The following SEC23A variants were observed in gnomAD, a reference collection of about 807,000 sequenced individuals.
SEC23A encodes the protein protein transport protein Sec23A.
A neutral mutation model predicts 103.7 loss-of-function variants in SEC23A; 56 were observed. The observed-to-expected ratio is 0.54, with a 90% CI of 0.44 to 0.67. SEC23A has a LOEUF of 0.67. Among genes scored for constraint, SEC23A ranks in the 30% least tolerant of loss-of-function variants. The pLI, the probability that SEC23A is intolerant of heterozygous loss-of-function variation, is 0.00. For synonymous variants in SEC23A, 281 were observed against 293.0 expected (o/e 0.96, Z 0.42); for missense variants, 784 against 936.4 (o/e 0.84, Z 2.12).
At chr14:39,094,225 C>T (rs1029425836) in intron 2 of SEC23A, among the ~76,000 whole-genome samples, 1 of 96,544 alleles carries the variant, frequency 1.0e-5, no homozygotes, top group Admixed American at 1.1e-4. Flanking sequence ...TATACACATA[C>T]ATATATATAT....
chr14:39,085,590 A>G (rs1887404720), intron 7 of SEC23A, among the ~76,000 whole-genome samples, 172 bp downstream of exon 7: 1 of 151,858 alleles, frequency 6.6e-6, no homozygotes, highest in Non-Finnish European at 1.5e-5. Context: ...CTTGGTTGGT[A>G]TGTGGGGGAA....
In SEC23A at chr14:39,033,188, A is replaced by C; in HGVS notation, c.*51T>G. On this transcript the variant is annotated 3_prime_UTR_variant, in exon 20 of 20. Coordinates refer to ENST00000307712, the MANE Select transcript of SEC23A (RefSeq NM_006364.4). ...AGATAAATGGAAAAAGGAAAAAATG[A>C]AATTTGAATATTATTTCATCTTCTT... is the stretch of plus-strand genomic sequence containing the variant. 1.5e-6 allele frequency: 2 copies of C among 1,365,580 alleles called. No homozygotes were observed. Among genetic ancestry groups the C allele is most frequent in the Non-Finnish European group, 2.1e-6 (2 of 953,944 alleles). 84.6% of individuals were successfully genotyped at this position (1,365,580 alleles called of 1,614,324 possible). A position where few individuals can be genotyped will look rare whatever the true frequency, so the allele number is the denominator to read the frequency against.
intron 14 of SEC23A, among the ~76,000 whole-genome samples, chr14:39,051,116 G>A (rs1331198055): frequency 6.6e-6 from 1 of 152,166 alleles, no homozygotes; most frequent in Non-Finnish European, 1.5e-5. Flanking sequence ...AAAAACCTAG[G>A]AAATTATACT....
At chr14:39,048,570 A>C (rs1326628620) in intron 15 of SEC23A, 82 bp downstream of exon 15, 9 of 877,538 alleles carry the variant, frequency 1.0e-5, no homozygotes, top group Non-Finnish European at 1.7e-5. Flanking sequence ...ACTATACTTC[A>C]GCATGGATGA....
chr14:39,085,689 T>TACACACACACACACACACACAC lies in SEC23A; in HGVS notation c.828+51_828+72dup, dbSNP rs59136053. 8 of 1,114,030 alleles carry TACACACACACACACACACACAC rather than the reference T, an allele frequency of 7.2e-6. No homozygotes were observed. The African/African-American group carries it at 1.4e-4, about 20-fold the overall frequency. The allele number at this position is 1,114,030 out of a possible 1,614,324, so 69.0% of individuals were successfully genotyped here. Reference sequence around the variant, plus strand: ...TTCTTCTTATCCTTATAATTATATATACACACACACACACACACACACACA... The same window carrying TACACACACACACACACACACAC: ...TTCTTCTTATCCTTATAATTATATATACACACACACACACACACACACACACACACACACACACACACACACA... On this transcript the variant is annotated intron_variant, in intron 7 of 19. Coordinates refer to ENST00000307712, the MANE Select transcript of SEC23A (RefSeq NM_006364.4).
At chr14:39,092,965 G>A (rs187976611) in intron 3 of SEC23A, 10 of 487,460 alleles carry the variant, frequency 2.1e-5, no homozygotes, top group African/African-American at 1.8e-4. Context: ...CCGGGTTCAT[G>A]CCATTCTCCT....
intron 15 of SEC23A, among the ~76,000 whole-genome samples, chr14:39,046,272 C>T (rs1021648566): frequency 6.6e-6 from 1 of 152,080 alleles, no homozygotes; most frequent in Admixed American, 6.6e-5. Flanking sequence ...AGTTCAAGAC[C>T]AGCCTGGCCA....
intron 1 of SEC23A, among the ~76,000 whole-genome samples, chr14:39,098,350 AGAC>A (rs1887964568): frequency 6.6e-6 from 1 of 152,174 alleles, no homozygotes; most frequent in Non-Finnish European, 1.5e-5. Flanking sequence ...ATAAATTCTA[AGAC>A]TATGCAAACC....
At chr14:39,069,262 C>T (rs1198781833) in intron 9 of SEC23A, among the ~76,000 whole-genome samples, 2 of 152,142 alleles carry the variant, frequency 1.3e-5, no homozygotes, top group African/African-American at 2.4e-5. Context: ...CAAATGAATT[C>T]AGCGATCCTT....
chr14:39,087,037 A>C (rs764347646), intron 5 of SEC23A, 29 bp from the exon 6 acceptor site: 2 of 1,210,034 alleles, frequency 1.7e-6, no homozygotes, highest in South Asian at 2.4e-5. Flanking sequence ...TGCAATATTC[A>C]TTTAATTACT....
intron 1 of SEC23A, among the ~76,000 whole-genome samples, chr14:39,097,715 C>T (rs550549407): frequency 1.0e-3 from 156 of 152,232 alleles, no homozygotes; most frequent in African/African-American, 3.2e-3. Context: ...AAATCTTACG[C>T]TAATCAAAAA....
chr14:39,036,362 T>C (rs1036811805), intron 19 of SEC23A, among the ~76,000 whole-genome samples: 1 of 145,166 alleles, frequency 6.9e-6, no homozygotes, highest in Admixed American at 6.9e-5. Context: ...TATGGAAGCA[T>C]GCTCTAGATA....
rs1884385 is a variant in SEC23A at position 39,039,403 on chromosome 14, C to T, written c.2143-307G>A. 43,174 of 283,456 alleles carry T rather than the reference C, an allele frequency of 0.15. 3,508 individuals carry two copies. The highest frequency in any genetic ancestry group is 0.19 in the Admixed American group (3,803 of 19,994). 17.6% of individuals were successfully genotyped at this position (283,456 alleles called of 1,614,324 possible). On this transcript the variant is annotated intron_variant, in intron 18 of 19. Transcript: ENST00000307712. ...ACAAGGTTGGTGTGAAATTACTAAA[C>T]ACTTGGTCAGAAGTTCAAAATCCCA...
At chr14:39,046,464 ACT>A (rs891232942) in intron 15 of SEC23A, among the ~76,000 whole-genome samples, 13 of 151,916 alleles carry the variant, frequency 8.6e-5, no homozygotes, top group African/African-American at 3.1e-4. Flanking sequence ...CAAGAGTGAG[ACT>A]CTGTCTCAAA....
In SEC23A at chr14:39,074,461, C is replaced by G; in HGVS notation, c.1057G>C (p.Asp353His). The G allele has an allele frequency of 6.2e-7, 1 of 1,613,656 alleles. No homozygotes were observed. Among genetic ancestry groups the G allele is most frequent in the Non-Finnish European group, 8.5e-7 (1 of 1,179,782 alleles). The stretch of plus-strand genomic sequence containing the variant: ...TTCATCTCCAGGAGACCTGTCTGAT[C>G]TAATGCACACGCATAGATATCAATA... ...HVIDIYACAL[D>H]QTGLLEMKCC... The change falls in exon 9 of 20, where the codon GAT (aspartate) becomes CAT (histidine). Residue 353 changes from aspartate (D) to histidine (H), a missense_variant. Coordinates refer to ENST00000307712, the MANE Select transcript of SEC23A (RefSeq NM_006364.4).
At chr14:39,081,918 C>G (rs1377199668) in intron 7 of SEC23A, among the ~76,000 whole-genome samples, 1 of 151,854 alleles carries the variant, frequency 6.6e-6, no homozygotes, top group Admixed American at 6.6e-5. Flanking sequence ...TTAATGACAC[C>G]CAGGGTAAGG....
At chr14:39,098,081 T>C (rs957429493) in intron 1 of SEC23A, among the ~76,000 whole-genome samples, 1 of 150,232 alleles carries the variant, frequency 6.7e-6, no homozygotes, top group African/African-American at 2.5e-5. Flanking sequence ...AGAACAAGAC[T>C]CCATCTCAAA....
At chr14:39,068,142 TA>T (rs1439841237) in intron 9 of SEC23A, among the ~76,000 whole-genome samples, 5 of 152,176 alleles carry the variant, frequency 3.3e-5, no homozygotes, top group Admixed American at 6.5e-5. Context: ...CTTTTTTAAT[TA>T]AAAAAATTTT....
In SEC23A at chr14:39,032,186, C is replaced by T. The variant is rs1026145391; in HGVS notation, c.*1053G>A. On this transcript the variant is annotated 3_prime_UTR_variant, in exon 20 of 20. Coordinates refer to ENST00000307712, the MANE Select transcript of SEC23A (RefSeq NM_006364.4). Reference sequence around the variant, plus strand: ...ACATATCTGGCTTTATCAATGTAAACATATTTGCTACAAGTAAACTTTAAA... The same window carrying T: ...ACATATCTGGCTTTATCAATGTAAATATATTTGCTACAAGTAAACTTTAAA... 2.6e-5 allele frequency: 4 copies of T among 152,544 alleles called. No homozygotes were observed. In the East Asian group the frequency reaches 5.8e-4, roughly 22 times the overall value. The allele number at this position is 152,544 out of a possible 1,614,324, so 9.4% of individuals were successfully genotyped here.
Sources: gnomAD v4.1 joint callset for allele counts (sites outside exome capture counted in the v4.1 genomes callset) on GRCh38, gnomAD v4.1.1 for gene constraint, MANE v1.5 for transcripts, NCBI Gene and HGNC (gene_info 2026-07-23, HGNC 2026-07-21) for gene names.